RNF216: variants seen among roughly 807,000 people sequenced by gnomAD.
RNF216 encodes ring finger protein 216.
Under a neutral mutation model 110.8 loss-of-function variants are expected in RNF216, and 72 were observed. That is an observed-to-expected ratio of 0.65 (90% CI 0.54 to 0.79). RNF216 has a LOEUF of 0.79. Ranked by LOEUF, RNF216 falls within the 30% of genes least tolerant of loss-of-function variation. The pLI, the probability that RNF216 is intolerant of heterozygous loss-of-function variation, is 0.00. For synonymous variants in RNF216, 495 were observed against 407.5 expected, an observed-to-expected ratio of 1.21 and a Z score of -2.59; for missense variants, 1,342 against 1,141.2, an observed-to-expected ratio of 1.18 and a Z score of -2.54.
chr7:5,722,215 C>T (rs1046281811), intron 8 of RNF216, among the ~76,000 whole-genome samples: 2 of 152,172 alleles, frequency 1.3e-5, no homozygotes, highest in Non-Finnish European at 1.5e-5. Flanking sequence ...TGAGCCACAA[C>T]GCCTGGCCAA....
At chr7:5,780,073 AGATGAGCT>A (rs1796996777) in intron 1 of RNF216, 1 of 152,186 alleles carries the variant, frequency 6.6e-6, no homozygotes, top group Non-Finnish European at 1.5e-5. Context: ...GCTGGAGAAT[AGATGAGCT>A]GATGTTTGGC....
intron 5 of RNF216, chr7:5,733,027 T>A (rs1794182284): frequency 6.6e-6 from 1 of 152,232 alleles, no homozygotes; most frequent in African/African-American, 2.4e-5. Context: ...GACGGTTCCA[T>A]CTGAAGGCCA....
chr7:5,654,665 A>C (rs1029676462), intron 13 of RNF216, among the ~76,000 whole-genome samples: 38 of 132,708 alleles, frequency 2.9e-4, no homozygotes, highest in Non-Finnish European at 4.8e-4. Context: ...TTAGCCTGGG[A>C]AATACAGCCA....
intron 8 of RNF216, among the ~76,000 whole-genome samples, chr7:5,722,452 C>T (rs1245870166): frequency 6.7e-6 from 1 of 150,156 alleles, no homozygotes; most frequent in Non-Finnish European, 1.5e-5. Context: ...TGCAGTGGTG[C>T]GATCTCGGCT....
chr7:5,627,220 A>G (rs1204530771), intron 15 of RNF216, among the ~76,000 whole-genome samples: 4 of 152,250 alleles, frequency 2.6e-5, no homozygotes, highest in Admixed American at 1.3e-4. Context: ...ACAAACACAC[A>G]CACCGGGCCA....
rs116704513 is a variant in RNF216 at position 5,630,258 on chromosome 7, G to A, written c.2383-6133C>T. Among the ~76,000 whole-genome samples the A allele has an allele frequency of 7.9e-3, 1,204 of 152,208 alleles. 9 individuals are homozygous for A. The highest frequency in any genetic ancestry group is 0.024 in the African/African-American group (988 of 41,518). Reference sequence around the variant, plus strand: ...CTTCAAGAGAGGCTGCTGGCGTCACGGGAAGAACTACAACTCTGGGGCTCC... The same window carrying A: ...CTTCAAGAGAGGCTGCTGGCGTCACAGGAAGAACTACAACTCTGGGGCTCC... On this transcript the variant is annotated intron_variant, in intron 15 of 16. Coordinates refer to ENST00000389902, the MANE Select transcript of RNF216 (RefSeq NM_207111.4).
In RNF216 at chr7:5,704,765, C is replaced by T. The variant is rs567098226; in HGVS notation, c.2061+6996G>A. 3.3e-5 allele frequency among the ~76,000 whole-genome samples: 5 copies of T among 152,336 alleles called. No individual in the cohort carries two copies. The East Asian group carries it at 7.7e-4, about 23-fold the overall frequency. On this transcript the variant is annotated intron_variant, in intron 13 of 16. Coordinates refer to ENST00000389902, the MANE Select transcript of RNF216 (RefSeq NM_207111.4). ...ACTTCTCTCATTCCTCTGGTGGTCA[C>T]TGAGCCAGCTCCACCAGGCCGTCAC...
At chr7:5,639,276 T>C (rs927415964) in intron 15 of RNF216, among the ~76,000 whole-genome samples, 4 of 152,148 alleles carry the variant, frequency 2.6e-5, no homozygotes, top group African/African-American at 9.6e-5. Flanking sequence ...CCTCATGTGA[T>C]CCTTGGCTAT....
intron 3 of RNF216, among the ~76,000 whole-genome samples, chr7:5,747,817 G>A (rs1225914170): frequency 6.7e-6 from 1 of 149,070 alleles, no homozygotes; most frequent in Non-Finnish European, 1.5e-5. Flanking sequence ...TAGATACAAG[G>A]TCCCAGGCTG....
rs1433070714 is a variant in RNF216 at position 5,642,710 on chromosome 7, C to A, written c.2160-1334G>T. 2.6e-5 allele frequency among the ~76,000 whole-genome samples: 4 copies of A among 152,202 alleles called. No individual in the cohort carries two copies. In the South Asian group the frequency reaches 8.3e-4, roughly 32 times the overall value. ...GCCAGGCTGGTCTCAAACTCCTAAC[C>A]TCAAGTGATCCGCCTGCCTCAGCCT... On this transcript the variant is annotated intron_variant, in intron 14 of 16. Coordinates refer to ENST00000389902, the MANE Select transcript of RNF216 (RefSeq NM_207111.4).
intron 15 of RNF216, among the ~76,000 whole-genome samples, chr7:5,627,346 G>A (rs1164554014): frequency 6.6e-6 from 1 of 152,234 alleles, no homozygotes; most frequent in Non-Finnish European, 1.5e-5. Context: ...ACAGTGAGGA[G>A]TGTGGCAGCC....
At chr7:5,731,887 G>C (rs1794111336) in intron 5 of RNF216, among the ~76,000 whole-genome samples, 1 of 152,154 alleles carries the variant, frequency 6.6e-6, no homozygotes, top group African/African-American at 2.4e-5. Flanking sequence ...CCAGGTGCCA[G>C]TGTTTGGGGA....
rs768525706 is a variant in RNF216, at chr7:5,741,520, G to C, written c.497C>G (p.Ala166Gly). ...PKPGPSHNQAANDIVNPRSEQ... is the reference protein window; with the variant it reads ...PKPGPSHNQAGNDIVNPRSEQ... Reference sequence around the variant, plus strand: ...TGATCTGGGGTTGACAATGTCATTTGCTGCTTGGTTATGACTCGGTCCAGG... The same window carrying C: ...TGATCTGGGGTTGACAATGTCATTTCCTGCTTGGTTATGACTCGGTCCAGG... Residue 166 changes from alanine (A) to glycine (G), a missense_variant, in exon 4 of 17, where the codon GCA (alanine) becomes GGA (glycine). By Grantham distance (60) the Ala-to-Gly change is moderately conservative. Coordinates refer to ENST00000389902, the MANE Select transcript of RNF216 (RefSeq NM_207111.4). 24 of 1,614,050 alleles carry C rather than the reference G, an allele frequency of 1.5e-5. No homozygotes were observed. The South Asian group carries it at 2.6e-4, about 18-fold the overall frequency.
intron 5 of RNF216, among the ~76,000 whole-genome samples, chr7:5,736,751 G>A (rs1000512224): frequency 3.3e-5 from 5 of 151,592 alleles, no homozygotes; most frequent in African/African-American, 1.2e-4. Context: ...GGGATGTGAG[G>A]AGCGCCTCTG....
chr7:5,682,299 C>T (rs985627341), intron 13 of RNF216, among the ~76,000 whole-genome samples: 3 of 152,182 alleles, frequency 2.0e-5, no homozygotes, highest in Non-Finnish European at 4.4e-5. Flanking sequence ...GACCAGGTTA[C>T]CCTCACACCC....
intron 1 of RNF216, among the ~76,000 whole-genome samples, chr7:5,780,715 A>AG (rs2128689448): frequency 6.6e-6 from 1 of 151,868 alleles, no homozygotes; most frequent in South Asian, 2.1e-4. Flanking sequence ...AAAGAAAAGG[A>AG]GAAAAAAAAA....
At chr7:5,668,092 C>T (rs1006292036) in intron 13 of RNF216, among the ~76,000 whole-genome samples, 4 of 152,146 alleles carry the variant, frequency 2.6e-5, no homozygotes, top group African/African-American at 9.7e-5. Flanking sequence ...GACAATACCC[C>T]TTTGTGGATA....
intron 13 of RNF216, among the ~76,000 whole-genome samples, chr7:5,679,546 C>G (rs1790520979): frequency 6.6e-6 from 1 of 152,194 alleles, no homozygotes; most frequent in Non-Finnish European, 1.5e-5. Flanking sequence ...CTTGAGGGTC[C>G]TCCCTGCCTC....
rs531890220 is a variant in RNF216 at position 5,654,308 on chromosome 7, G to T, written c.2062-1798C>A. Reference sequence around the variant, plus strand: ...CTATATGTGTACTATCTAATAAAAAGAATTTAAAAAGGGAGAAAAATGGAA... The same window carrying T: ...CTATATGTGTACTATCTAATAAAAATAATTTAAAAAGGGAGAAAAATGGAA... On this transcript the variant is annotated intron_variant, in intron 13 of 16. Coordinates refer to ENST00000389902, the MANE Select transcript of RNF216 (RefSeq NM_207111.4). Among the ~76,000 whole-genome samples, 9 of 152,144 alleles carry T rather than the reference G, an allele frequency of 5.9e-5. No homozygotes were observed. In the South Asian group the frequency reaches 1.7e-3, roughly 28 times the overall value.
Sources: allele counts gnomAD v4.1 joint callset (sites outside exome capture counted in the v4.1 genomes callset), GRCh38; gene constraint gnomAD v4.1.1; transcripts MANE v1.5; gene names NCBI Gene and HGNC (gene_info 2026-07-23, HGNC 2026-07-21).